ALG9: variants seen among roughly 807,000 people sequenced by gnomAD.
ALG9 encodes alpha-1,2-mannosyltransferase ALG9.
A neutral mutation model predicts 81.8 loss-of-function variants in ALG9; 55 were observed. The observed-to-expected ratio is 0.67, with a 90% CI of 0.54 to 0.84. ALG9 has a LOEUF of 0.84. Among genes scored for constraint, ALG9 ranks in the 40% least tolerant of loss-of-function variants. ALG9 has a pLI of 0.00. For missense variants in ALG9, 629 were observed against 745.0 expected (o/e 0.84, Z 1.81); for synonymous variants, 278 against 274.3 (o/e 1.01, Z -0.13).
At chr11:111,838,172 T>C in intron 11 of ALG9, 77 bp downstream of exon 11, 1 of 1,566,378 alleles carries the variant, frequency 6.4e-7, no homozygotes, top group Non-Finnish European at 8.8e-7. Context: ...AAATATGTAT[T>C]ATATAATCAT....
At chr11:111,815,750 T>C (rs1951379327) in intron 13 of ALG9, among the ~76,000 whole-genome samples, 2 of 152,186 alleles carry the variant, frequency 1.3e-5, no homozygotes, top group East Asian at 1.9e-4. Context: ...AGAGTTATAA[T>C]GAGGATTAAA....
intron 13 of ALG9, among the ~76,000 whole-genome samples, chr11:111,819,399 C>T (rs150340876): frequency 2.6e-3 from 399 of 152,372 alleles, no homozygotes; most frequent in African/African-American, 9.0e-3. Context: ...CATCTCCACA[C>T]AGAAGACAGA....
chr11:111,782,047 T>A (rs1375367702), downstream of ALG9: 1 of 152,212 alleles, frequency 6.6e-6, no homozygotes, highest in African/African-American at 2.4e-5. Flanking sequence ...AGAATAAACA[T>A]TCTGGGATAT....
At chr11:111,823,660 C>G (rs1952782331) in intron 13 of ALG9, among the ~76,000 whole-genome samples, 1 of 152,182 alleles carries the variant, frequency 6.6e-6, no homozygotes, top group African/African-American at 2.4e-5. Context: ...GCTTCTTCAT[C>G]TCTAAGAGCT....
chr11:111,831,323 G>A (rs1006432235), intron 13 of ALG9, among the ~76,000 whole-genome samples: 2 of 152,120 alleles, frequency 1.3e-5, no homozygotes, highest in South Asian at 2.1e-4. Context: ...TTGCAGGTGT[G>A]AGCCACCATG....
chr11:111,864,186 G>C (rs1419831129), intron 4 of ALG9: 2 of 597,534 alleles, frequency 3.3e-6, no homozygotes, highest in Non-Finnish European at 6.2e-6. Flanking sequence ...AAAGCAAGAA[G>C]TTTTCAGTCA....
In ALG9 at chr11:111,825,914, T is replaced by C. The variant is rs1953170155; in HGVS notation, c.1602+10251A>G. Among the ~76,000 whole-genome samples, 3 of 151,252 alleles carry C rather than the reference T, an allele frequency of 2.0e-5. 1 individual carries two copies. The South Asian group carries it at 6.3e-4, about 32-fold the overall frequency. On this transcript the variant is annotated intron_variant, in intron 13 of 14. Coordinates refer to ENST00000616540, the MANE Select transcript of ALG9 (RefSeq NM_024740.2). Reference sequence around the variant, plus strand: ...GCCATCTCTACTAAAAATACACAACTAGCCAGGCATGGCGGCGCATGCCTT... The same window carrying C: ...GCCATCTCTACTAAAAATACACAACCAGCCAGGCATGGCGGCGCATGCCTT...
At chr11:111,813,216 T>G (rs1950996234) in intron 13 of ALG9, among the ~76,000 whole-genome samples, 2 of 152,246 alleles carry the variant, frequency 1.3e-5, no homozygotes, top group Admixed American at 1.3e-4. Context: ...CTTCAAGATC[T>G]TGGGTAAAAG....
chr11:111,788,460 A>G (rs1946810353), intron 14 of ALG9: 1 of 453,944 alleles, frequency 2.2e-6, no homozygotes. Flanking sequence ...GGAGAAGTTA[A>G]TGGCCAGGCA....
chr11:111,830,139 C>T (rs919389464), intron 13 of ALG9, among the ~76,000 whole-genome samples: 1 of 152,214 alleles, frequency 6.6e-6, no homozygotes, highest in Non-Finnish European at 1.5e-5. Flanking sequence ...CTCCTAACTT[C>T]CAGTCAATGC....
At chr11:111,830,219 G>A (rs1442850790) in intron 13 of ALG9, among the ~76,000 whole-genome samples, 1 of 152,126 alleles carries the variant, frequency 6.6e-6, no homozygotes, top group African/African-American at 2.4e-5. Flanking sequence ...ATAAGAACAT[G>A]GAGGCCTGGG....
intron 4 of ALG9, among the ~76,000 whole-genome samples, chr11:111,862,563 T>C (rs1274292724): frequency 6.6e-6 from 1 of 151,804 alleles, no homozygotes; most frequent in African/African-American, 2.4e-5. Flanking sequence ...ACCTTTTCTA[T>C]ATTACCTTTT....
intron 14 of ALG9, among the ~76,000 whole-genome samples, chr11:111,802,516 A>T (rs1399482272): frequency 2.0e-5 from 3 of 152,218 alleles, no homozygotes; most frequent in African/African-American, 7.2e-5. Flanking sequence ...GGATGCCCGG[A>T]GACGGCAGTG....
chr11:111,852,181 TCATAGCAG>T (rs1336164725), intron 8 of ALG9, among the ~76,000 whole-genome samples: 2 of 152,216 alleles, frequency 1.3e-5, no homozygotes, highest in African/African-American at 4.8e-5. Flanking sequence ...TTAACCTGCT[TCATAGCAG>T]AACCCCAAAG....
chr11:111,802,955 G>T (rs1308144552), intron 14 of ALG9, among the ~76,000 whole-genome samples: 2 of 152,104 alleles, frequency 1.3e-5, no homozygotes, highest in Non-Finnish European at 2.9e-5. Context: ...AGAAAGGCAA[G>T]GCCATCAGAA....
At chr11:111,868,781 A>T (rs1555155817) in intron 2 of ALG9, 45 bp from the exon 3 acceptor site, 2 of 1,522,798 alleles carry the variant, frequency 1.3e-6, no homozygotes, top group Non-Finnish European at 1.8e-6. Context: ...CTGGCCAAAA[A>T]TCTCTGTTAA....
chr11:111,810,701 A>G (rs1950575172), intron 13 of ALG9, among the ~76,000 whole-genome samples: 1 of 152,230 alleles, frequency 6.6e-6, no homozygotes, highest in Non-Finnish European at 1.5e-5. Context: ...GGCTGCAGTG[A>G]GCCAAGATCA....
At chr11:111,865,544 A>G (rs1962086669) in intron 3 of ALG9, among the ~76,000 whole-genome samples, 1 of 152,236 alleles carries the variant, frequency 6.6e-6, no homozygotes, top group Non-Finnish European at 1.5e-5. Context: ...GGAAATGATT[A>G]AATAAACTAG....
At chr11:111,858,189 C>T (rs1959016984) in intron 5 of ALG9, among the ~76,000 whole-genome samples, 1 of 152,130 alleles carries the variant, frequency 6.6e-6, no homozygotes. Flanking sequence ...CCTGTCTCGA[C>T]CTCCCAAAGT....
Sources: gnomAD v4.1 joint callset for allele counts (sites outside exome capture counted in the v4.1 genomes callset) on GRCh38, gnomAD v4.1.1 for gene constraint, MANE v1.5 for transcripts, NCBI Gene and HGNC (gene_info 2026-07-23, HGNC 2026-07-21) for gene names.